Variants in DMD observed in about 807,000 individuals in gnomAD.
DMD encodes the protein dystrophin, also known as mutant dystrophin.
DMD carries 63 observed loss-of-function variants against 330.1 expected under a neutral mutation model. The ratio of observed to expected loss-of-function variants is 0.19; its 90% CI spans 0.16 to 0.24. The LOEUF is 0.24. Among genes scored for constraint, DMD ranks in the 10% least tolerant of loss-of-function variants. The pLI is 1.00. For synonymous variants in DMD, 1,223 were observed against 959.8 expected, an observed-to-expected ratio of 1.27 and a Z score of -5.07; for missense variants, 3,344 against 2,684.1, an observed-to-expected ratio of 1.25 and a Z score of -5.43.
At chrX:31,128,384 CCTT>C (rs2034026428) in intron 77 of DMD, among the ~76,000 whole-genome samples, 1 of 111,296 alleles carries the variant, frequency 9.0e-6, no homozygotes, top group African/African-American at 3.3e-5. Context: ...CAAGAGGAGT[CCTT>C]CTGTGTTATA....
chrX:32,662,820 T>G (rs1207977747), intron 9 of DMD, among the ~76,000 whole-genome samples: 1 of 111,824 alleles, frequency 8.9e-6, no homozygotes, highest in Non-Finnish European at 1.9e-5. Flanking sequence ...CAGAACAGCA[T>G]TTAGAGATAT....
At chrX:32,300,537 G>C (rs1397353768) in intron 42 of DMD, among the ~76,000 whole-genome samples, 1 of 111,808 alleles carries the variant, frequency 8.9e-6, no homozygotes, top group African/African-American at 3.2e-5. Context: ...AATGATTCTA[G>C]TCCATCAGCA....
rs1471491183 is a variant in DMD, at chrX:31,773,962, T to G, written c.7540A>C (p.Lys2514Gln). Residue 2514 changes from lysine to glutamine, a missense_variant and splice_region_variant, in exon 51 of 79, where the codon AAG becomes CAG. Lys to Gln is a moderately conservative substitution (Grantham distance 53, BLOSUM62 1). Coordinates refer to ENST00000357033, the MANE Select transcript of DMD (RefSeq NM_004006.3). ...ACTTTTATCATTTTTTCTCATACCTTCTGCTTGATGATCATCTCGTTGATA... is the reference window on the plus strand; with the variant it reads ...ACTTTTATCATTTTTTCTCATACCTGCTGCTTGATGATCATCTCGTTGATA... ...EDINEMIIKQKATMQDLEQRR... is the reference protein window; with the variant it reads ...EDINEMIIKQQATMQDLEQRR... The G allele has an allele frequency of 4.2e-6, 5 of 1,204,654 alleles. No individual in the cohort carries two copies. The highest frequency in any genetic ancestry group is 5.6e-6 in the Non-Finnish European group (5 of 890,125).
chrX:32,141,083 A>G (rs956828677), intron 44 of DMD, among the ~76,000 whole-genome samples: 2 of 110,840 alleles, frequency 1.8e-5, no homozygotes, highest in African/African-American at 6.6e-5. Context: ...TGGTCACCTC[A>G]TTGTTAAGCC....
Position 31,444,587 on chromosome X carries a change from C to T in DMD, c.8978G>A (p.Ser2993Asn). Residue 2993 changes from serine (S) to asparagine (N), a missense_variant, in exon 60 of 79, where the codon AGC (serine) becomes AAC (asparagine). Physicochemically the swap from Ser to Asn is conservative, Grantham distance 46. Coordinates refer to ENST00000357033, the MANE Select transcript of DMD (RefSeq NM_004006.3). ...CTGGCGAGCAAGGTCATTGACGTGG[C>T]TCACGTTCTCTTTCAGAGGCGCAAT... is the stretch of plus-strand genomic sequence containing the variant. The part of the protein sequence containing the change: ...GEIAPLKENV[S>N]HVNDLARQLT... 2 of 1,211,585 alleles carry T rather than the reference C, an allele frequency of 1.7e-6. No homozygotes were observed. Among genetic ancestry groups the T allele is most frequent in the South Asian group, 1.8e-5 (1 of 56,989 alleles).
At chrX:31,462,249 G>A (rs2066577615) in intron 59 of DMD, among the ~76,000 whole-genome samples, 1 of 111,472 alleles carries the variant, frequency 9.0e-6, no homozygotes, top group Admixed American at 9.6e-5. Flanking sequence ...GGAGGCTGAG[G>A]TGGGCAGATC....
intron 59 of DMD, among the ~76,000 whole-genome samples, chrX:31,468,278 T>G (rs1007075264): frequency 8.9e-6 from 1 of 112,453 alleles, no homozygotes; most frequent in Non-Finnish European, 1.9e-5. Flanking sequence ...TTTTAGATAT[T>G]TCCTGCTTTC....
intron 2 of DMD, among the ~76,000 whole-genome samples, chrX:32,979,763 A>G (rs1443546569): frequency 8.9e-6 from 1 of 111,906 alleles, no homozygotes; most frequent in Admixed American, 9.5e-5. Context: ...TGGGAGAAGT[A>G]GTCTCATATA....
chrX:32,702,005 T>C (rs1266893096), intron 7 of DMD, among the ~76,000 whole-genome samples: 2 of 111,879 alleles, frequency 1.8e-5, no homozygotes, highest in Middle Eastern at 4.6e-3. Flanking sequence ...TGCCAGTAGG[T>C]AGAAATAAGT....
intron 47 of DMD, among the ~76,000 whole-genome samples, chrX:31,875,635 C>G (rs1044921081): frequency 1.8e-5 from 2 of 111,852 alleles, no homozygotes; most frequent in East Asian, 2.8e-4. Context: ...AAAACACACA[C>G]CTTACACAAA....
In DMD at chrX:33,205,701, A is replaced by G. The variant is rs774114679; in HGVS notation, c.31+5581T>C. ...CCAAGAAGAGGGTAAAAACATTTAA[A>G]GGGTAAGCATTTTATTTGCCCATAA... is the stretch of plus-strand genomic sequence containing the variant. On this transcript the variant is annotated intron_variant, in intron 1 of 78. Transcript: ENST00000357033. Among the ~76,000 whole-genome samples the G allele has an allele frequency of 1.9e-4, 21 of 112,301 alleles. No homozygotes were observed. In the East Asian group the frequency reaches 5.9e-3, roughly 32 times the overall value.
At chrX:32,848,273 C>T (rs2080852881) in intron 3 of DMD, among the ~76,000 whole-genome samples, 2 of 111,837 alleles carry the variant, frequency 1.8e-5, no homozygotes, top group Non-Finnish European at 3.8e-5. Context: ...GTAGGACTGA[C>T]TTCAGAATAC....
At chrX:31,659,639 G>GAAAAAAAAAAA (rs869195395) in intron 53 of DMD, among the ~76,000 whole-genome samples, 1 of 39,974 alleles carries the variant, frequency 2.5e-5, no homozygotes, top group African/African-American at 9.3e-5. Flanking sequence ...CTCCATCTCG[G>GAAAAAAAAAAA]AAAAAAAAAA....
chrX:32,027,183 C>CACACACACACAGAG (rs774715155), intron 44 of DMD, among the ~76,000 whole-genome samples: 23 of 97,524 alleles, frequency 2.4e-4, no homozygotes, highest in East Asian at 2.1e-3. Context: ...CACACACACA[C>CACACACACACAGAG]AGAGAGAGAG....
chrX:31,897,623 T>A (rs1459265578), intron 47 of DMD, among the ~76,000 whole-genome samples: 4 of 87,670 alleles, frequency 4.6e-5, no homozygotes, highest in Admixed American at 2.7e-4. Context: ...TTCTAACTGG[T>A]GTGAGATGGT....
At chrX:31,615,226 A>G (rs2148329427) in intron 55 of DMD, among the ~76,000 whole-genome samples, 1 of 112,048 alleles carries the variant, frequency 8.9e-6, no homozygotes, top group South Asian at 3.7e-4. Flanking sequence ...TCTTGTTTGG[A>G]GAAGAAGTTC....
rs1340540433 is a variant in DMD at position 32,252,583 on chromosome X, C to CAT, written c.6290+34944_6290+34945dup. Reference sequence around the variant, plus strand: ...GCCTTTGCTCACTGATATATAGTGCCATATATATATATATATAAACATATA... The same window carrying CAT: ...GCCTTTGCTCACTGATATATAGTGCCATATATATATATATATATAAACATATA... On this transcript the variant is annotated intron_variant, in intron 43 of 78. Transcript: ENST00000357033. Among the ~76,000 whole-genome samples, 91 of 31,508 alleles carry CAT rather than the reference C, an allele frequency of 2.9e-3. 1 individual carries two copies. The highest frequency in any genetic ancestry group is 0.023 in the South Asian group (14 of 621). 27.4% of individuals were successfully genotyped at this position (31,508 alleles called of 115,157 possible).
chrX:32,639,885 G>C (rs1033242957), intron 11 of DMD, among the ~76,000 whole-genome samples: 2 of 110,327 alleles, frequency 1.8e-5, no homozygotes, highest in African/African-American at 6.6e-5. Flanking sequence ...AATTAGAAAA[G>C]GCTGGAGAAA....
intron 4 of DMD, among the ~76,000 whole-genome samples, chrX:32,827,662 T>G (rs983226345): frequency 3.1e-4 from 3 of 9,714 alleles, no homozygotes; most frequent in African/African-American, 2.7e-3. Flanking sequence ...TAACTCCCCT[T>G]TTTTTTTTTT....
Sources: gnomAD v4.1 joint callset for allele counts (sites outside exome capture counted in the v4.1 genomes callset) on GRCh38, gnomAD v4.1.1 for gene constraint, MANE v1.5 for transcripts, NCBI Gene and HGNC (gene_info 2026-07-23, HGNC 2026-07-21) for gene names.